Variants in NXPH1 observed in about 807,000 individuals in gnomAD.
NXPH1 encodes the protein neurexophilin 1, also known as neurexophilin-1.
A neutral mutation model predicts 23.7 loss-of-function variants in NXPH1; 5 were observed. That is an observed-to-expected ratio of 0.21 (90% confidence interval 0.11 to 0.44). The LOEUF (loss-of-function observed/expected upper bound fraction) is 0.44, where lower values mean the gene tolerates loss of function less well. NXPH1 is among the 20% of genes least tolerant of loss of function. NXPH1 has a pLI of 0.99. For synonymous variants in NXPH1, 144 were observed against 122.2 expected, an observed-to-expected ratio of 1.18 and a Z score of -1.18; for missense variants, 324 against 321.6, an observed-to-expected ratio of 1.01 and a Z score of -0.06.
chr7:8,656,768 C>T (rs1249669254), intron 2 of NXPH1, among the ~76,000 whole-genome samples: 2 of 151,622 alleles, frequency 1.3e-5, no homozygotes, highest in Non-Finnish European at 2.9e-5. Context: ...TGTTCAATTC[C>T]CACCTATGAG....
At chr7:8,568,624 T>C (rs796922149) in intron 2 of NXPH1, among the ~76,000 whole-genome samples, 29 of 119,032 alleles carry the variant, frequency 2.4e-4, no homozygotes, top group African/African-American at 8.6e-4. Context: ...ACATAATGCA[T>C]AAAAGAAAGT....
chr7:8,467,109 T>A (rs1026377781), intron 2 of NXPH1, among the ~76,000 whole-genome samples: 2 of 152,228 alleles, frequency 1.3e-5, no homozygotes, highest in African/African-American at 4.8e-5. Context: ...AATTATTTGG[T>A]ATATGAATCT....
chr7:8,462,879 G>A (rs1336020833), intron 2 of NXPH1, among the ~76,000 whole-genome samples: 2 of 152,140 alleles, frequency 1.3e-5, no homozygotes, highest in Admixed American at 1.3e-4. Context: ...TGCTAAAAGA[G>A]GAATTGCTGG....
intron 2 of NXPH1, among the ~76,000 whole-genome samples, chr7:8,574,159 G>A (rs1226157880): frequency 6.6e-6 from 1 of 152,082 alleles, no homozygotes; most frequent in Non-Finnish European, 1.5e-5. Context: ...TACACGGTTT[G>A]CACCTTTTCC....
At chr7:8,700,772 C>T (rs891730660) in intron 2 of NXPH1, among the ~76,000 whole-genome samples, 1 of 152,054 alleles carries the variant, frequency 6.6e-6, no homozygotes, top group Non-Finnish European at 1.5e-5. Flanking sequence ...CCCACAGCAC[C>T]TTAAATTTAG....
chr7:8,479,207 T>A (rs1248859619), intron 2 of NXPH1, among the ~76,000 whole-genome samples: 1 of 152,078 alleles, frequency 6.6e-6, no homozygotes, highest in East Asian at 1.9e-4. Flanking sequence ...TAAGGAATAA[T>A]TTATTAAAGT....
rs1423090743 is a variant in NXPH1, at chr7:8,662,187, T to TACAC, written c.55-88820_55-88819insCACA. On this transcript the variant is annotated intron_variant, in intron 2 of 2. Coordinates refer to ENST00000405863, the MANE Select transcript of NXPH1 (RefSeq NM_152745.3). The stretch of plus-strand genomic sequence containing the variant: ...ATATGATTTTATATATATATATATA[T>TACAC]ATACACACATATATATATACACACA... Among the ~76,000 whole-genome samples, 1,038 of 150,710 alleles carry TACAC rather than the reference T, an allele frequency of 6.9e-3. 14 individuals carry two copies. Among genetic ancestry groups the TACAC allele is most frequent in the African/African-American group, 0.024 (994 of 40,882 alleles).
At chr7:8,547,479 T>C (rs1024045380) in intron 2 of NXPH1, among the ~76,000 whole-genome samples, 6 of 151,358 alleles carry the variant, frequency 4.0e-5, no homozygotes, top group Non-Finnish European at 7.4e-5. Flanking sequence ...AACGTGTAAT[T>C]CTTTTTTAAA....
chr7:8,681,532 C>T (rs927922381), intron 2 of NXPH1, among the ~76,000 whole-genome samples: 1 of 152,076 alleles, frequency 6.6e-6, no homozygotes, highest in Non-Finnish European at 1.5e-5. Context: ...TTTGCTGCAT[C>T]CACTGACCCC....
At chr7:8,494,321 C>T (rs1375471566) in intron 2 of NXPH1, among the ~76,000 whole-genome samples, 1 of 152,016 alleles carries the variant, frequency 6.6e-6, no homozygotes, top group Non-Finnish European at 1.5e-5. Flanking sequence ...CCATGATTAG[C>T]ATGTTACACA....
chr7:8,728,142 CTGT>C lies in NXPH1; in HGVS notation c.55-22860_55-22858del, dbSNP rs539162275. Among the ~76,000 whole-genome samples the C allele has an allele frequency of 6.4e-3, 965 of 151,828 alleles. 10 individuals are homozygous for C. The highest frequency in any genetic ancestry group is 0.022 in the African/African-American group (925 of 41,350). ...ACTCATGATTTGGCTCTCTGTTTGT[CTGT>C]TGTTGGTGTATAAGAATGCTTGTGA... On this transcript the variant is annotated intron_variant, in intron 2 of 2. Transcript: ENST00000405863.
intron 2 of NXPH1, among the ~76,000 whole-genome samples, chr7:8,651,605 CT>C (rs1562442973): frequency 6.6e-6 from 1 of 152,110 alleles, no homozygotes; most frequent in East Asian, 1.9e-4. Flanking sequence ...AAAAGTGTTC[CT>C]ATAATTTTAA....
intron 2 of NXPH1, among the ~76,000 whole-genome samples, chr7:8,487,318 T>C (rs1272317719): frequency 6.6e-6 from 1 of 152,154 alleles, no homozygotes; most frequent in South Asian, 2.1e-4. Context: ...GTTCTTATGA[T>C]AGTGAATAAG....
At chr7:8,632,816 T>C (rs936345382) in intron 2 of NXPH1, among the ~76,000 whole-genome samples, 5 of 152,218 alleles carry the variant, frequency 3.3e-5, no homozygotes, top group African/African-American at 1.2e-4. Context: ...AGATTTTGAA[T>C]ATATCTTTCT....
intron 2 of NXPH1, among the ~76,000 whole-genome samples, chr7:8,696,864 C>G (rs2115187087): frequency 8.8e-6 from 1 of 113,366 alleles, no homozygotes; most frequent in African/African-American, 3.2e-5. Flanking sequence ...AAAAGTGAGG[C>G]CGGGCACAGT....
intron 2 of NXPH1, among the ~76,000 whole-genome samples, chr7:8,702,622 C>T (rs1302704371): frequency 1.3e-5 from 2 of 152,070 alleles, no homozygotes; most frequent in Non-Finnish European, 2.9e-5. Context: ...ATTTTCCTGG[C>T]TCCATTTAGT....
rs1462003064 is a variant in NXPH1, at chr7:8,612,229, T to TTACATTCTCCCCTTCCTTTCTTC, written c.55-138778_55-138756dup. ...CCCTCTTTCTTTTTCTTTCTTTTTT[T>TTACATTCTCCCCTTCCTTTCTTC]TACATTCTCCCCTTCCTTTCTTCCT... On this transcript the variant is annotated intron_variant, in intron 2 of 2. Transcript: ENST00000405863. Among the ~76,000 whole-genome samples, 7 of 151,950 alleles carry TTACATTCTCCCCTTCCTTTCTTC rather than the reference T, an allele frequency of 4.6e-5. No individual in the cohort carries two copies. In the South Asian group the frequency reaches 1.0e-3, roughly 23 times the overall value.
intron 2 of NXPH1, among the ~76,000 whole-genome samples, chr7:8,602,774 A>G (rs10241919): frequency 0.3 from 46,318 of 151,912 alleles, 7,803 homozygotes; most frequent in African/African-American, 0.43. Flanking sequence ...CATAGCTCCA[A>G]TATCATGTTC....
At chr7:8,475,920 G>A (rs959622156) in intron 2 of NXPH1, among the ~76,000 whole-genome samples, 1 of 152,016 alleles carries the variant, frequency 6.6e-6, no homozygotes, top group Non-Finnish European at 1.5e-5. Context: ...TAATACCCAT[G>A]TCTGCCACCC....
Sources: allele counts gnomAD v4.1 joint callset (sites outside exome capture counted in the v4.1 genomes callset), GRCh38; gene constraint gnomAD v4.1.1; transcripts MANE v1.5; gene names NCBI Gene and HGNC (gene_info 2026-07-23, HGNC 2026-07-21).